The following DLST variants were observed in gnomAD, a reference collection of about 807,000 sequenced individuals.
DLST encodes the protein dihydrolipoamide S-succinyltransferase, also known as dihydrolipoyllysine-residue succinyltransferase component of 2-oxoglutarate dehydrogenase complex, mitochondrial.
In DLST, 17 loss-of-function variants were observed where a neutral mutation model predicts 53.1. The observed-to-expected ratio is 0.32, with a 90% CI of 0.22 to 0.48. The LOEUF is 0.48. DLST is among the 20% of genes least tolerant of loss of function. DLST has a pLI of 0.99. For missense variants in DLST, 512 were observed against 583.9 expected (o/e 0.88, Z 1.27); for synonymous variants, 206 against 204.8 (o/e 1.01, Z -0.05).
chr14:74,885,557 T>C, intron 2 of DLST, 29 bp from the exon 3 acceptor site: 1 of 1,612,640 alleles, frequency 6.2e-7, no homozygotes, highest in South Asian at 1.1e-5. Context: ...ATAAGAGTTG[T>C]TGGTTAAGAG....
At chr14:74,887,195 CA>C (rs1349154718) in intron 3 of DLST, among the ~76,000 whole-genome samples, 2 of 148,488 alleles carry the variant, frequency 1.3e-5, no homozygotes, top group Non-Finnish European at 3.0e-5. Context: ...ATAGCATGTT[CA>C]CATGTTCACA....
intron 2 of DLST, among the ~76,000 whole-genome samples, chr14:74,884,181 C>T (rs936672071): frequency 2.0e-5 from 3 of 152,148 alleles, no homozygotes; most frequent in Admixed American, 6.5e-5. Context: ...AGGACTTGAC[C>T]AGTGATAGAC....
At chr14:74,899,400 A>G (rs995490096) in intron 11 of DLST, among the ~76,000 whole-genome samples, 1 of 151,982 alleles carries the variant, frequency 6.6e-6, no homozygotes, top group Non-Finnish European at 1.5e-5. Context: ...ATTAGTTGCT[A>G]GGTGTACATT....
rs760844916 is a variant in DLST at position 74,891,046 on chromosome 14, C to G, written c.331-10C>G. On this transcript the variant is annotated splice_polypyrimidine_tract_variant and intron_variant, in intron 6 of 14. Transcript: ENST00000334220. ...CATTTGGACTTCCTCCATCTGTCTTCCTCTTCCAGACATCTGTGCAGGTTC... is the reference window on the plus strand; with the variant it reads ...CATTTGGACTTCCTCCATCTGTCTTGCTCTTCCAGACATCTGTGCAGGTTC... The G allele has an allele frequency of 4.4e-6, 7 of 1,604,740 alleles. No individual in the cohort carries two copies. Among genetic ancestry groups the G allele is most frequent in the African/African-American group, 1.3e-5 (1 of 74,874 alleles).
intron 14 of DLST, 89 bp from the exon 15 acceptor site, chr14:74,902,107 G>A: frequency 7.4e-7 from 1 of 1,344,570 alleles, no homozygotes; most frequent in South Asian, 1.9e-5. Context: ...CTGGAATTAG[G>A]AACTTTCTTA....
At position 74,902,432 on chromosome 14, in the gene DLST, CA is replaced by C; in HGVS notation, c.*103del. 3 of 1,418,960 alleles carry C rather than the reference CA, an allele frequency of 2.1e-6. No individual in the cohort carries two copies. The highest frequency in any genetic ancestry group is 2.8e-6 in the Non-Finnish European group (3 of 1,057,648). The allele number at this position is 1,418,960 out of a possible 1,614,324, so 87.9% of individuals were successfully genotyped here. A position where few individuals can be genotyped will look rare whatever the true frequency, so the allele number is the denominator to read the frequency against. On this transcript the variant is annotated 3_prime_UTR_variant, in exon 15 of 15. Transcript: ENST00000334220. ...GGGTTAGCCTGGTGACAGGCAGACA[CA>C]TGCTGTTGGCCTCAAGCAAGGAAGC... is the stretch of plus-strand genomic sequence containing the variant.
chr14:74,897,648 A>T (rs993167744), intron 10 of DLST, among the ~76,000 whole-genome samples: 4 of 152,246 alleles, frequency 2.6e-5, no homozygotes, highest in Admixed American at 2.0e-4. Context: ...GGCAAGAACT[A>T]TGTCTTAATT....
rs749689048 is a variant in DLST, at chr14:74,889,907, C to G, written c.285C>G (p.Asp95Glu). ...GDVRWEKAVG[D>E]TVAEDEVVCE... ...TGATTGTCTTTTCAGCTGTTGGAGA[C>G]ACAGTTGCAGAAGATGAAGTGGTTT... is the stretch of plus-strand genomic sequence containing the variant. The change falls in exon 6 of 15, where the codon GAC (aspartate) becomes GAG (glutamate). Residue 95 changes from aspartate (D) to glutamate (E), a missense_variant. Coordinates refer to ENST00000334220, the MANE Select transcript of DLST (RefSeq NM_001933.5). 3 of 1,613,948 alleles carry G rather than the reference C, an allele frequency of 1.9e-6. No individual in the cohort carries two copies. The highest frequency in any genetic ancestry group is 2.5e-6 in the Non-Finnish European group (3 of 1,179,946).
intron 10 of DLST, among the ~76,000 whole-genome samples, chr14:74,896,394 C>A (rs187353202): frequency 1.4e-3 from 210 of 152,318 alleles, no homozygotes; most frequent in African/African-American, 4.7e-3. Context: ...ATATTTAATT[C>A]AGGAAGCAAG....
At chr14:74,899,639 G>A (rs1884178650) in intron 11 of DLST, among the ~76,000 whole-genome samples, 1 of 152,200 alleles carries the variant, frequency 6.6e-6, no homozygotes, top group African/African-American at 2.4e-5. Flanking sequence ...AGAGTTTAGT[G>A]CATACCTATC....
At chr14:74,884,301 A>G (rs1883630954) in intron 2 of DLST, among the ~76,000 whole-genome samples, 2 of 152,198 alleles carry the variant, frequency 1.3e-5, no homozygotes, top group Admixed American at 1.3e-4. Context: ...CCCCTAGCAC[A>G]ATGTCGGCTT....
intron 3 of DLST, 102 bp downstream of exon 3, chr14:74,885,736 C>T: frequency 1.8e-6 from 2 of 1,115,836 alleles, no homozygotes; most frequent in Non-Finnish European, 2.6e-6. Flanking sequence ...GCCTCCAGAC[C>T]TAGAAATTGA....
chr14:74,887,481 CTT>C (rs925724300), intron 3 of DLST, among the ~76,000 whole-genome samples: 3 of 152,146 alleles, frequency 2.0e-5, no homozygotes, highest in African/African-American at 7.2e-5. Context: ...AATCCAGTAT[CTT>C]TGTGTGTGTT....
rs141038267 is a variant in DLST at position 74,887,324 on chromosome 14, T to C, written c.146+1690T>C. Among the ~76,000 whole-genome samples the C allele has an allele frequency of 2.9e-3, 447 of 152,318 alleles. 4 individuals are homozygous for C. Among genetic ancestry groups the C allele is most frequent in the African/African-American group, 0.01 (433 of 41,576 alleles). ...ATATTCTGTAGTGAACATCTAGTTA[T>C]TTAGAGATTCAAAATGTATTACTCA... On this transcript the variant is annotated intron_variant, in intron 3 of 14. Transcript: ENST00000334220.
chr14:74,894,532 GT>G, intron 10 of DLST, 123 bp downstream of exon 10: 1 of 1,095,230 alleles, frequency 9.1e-7, no homozygotes, highest in Non-Finnish European at 1.3e-6. Context: ...TTTGTTTATT[GT>G]TTTTTGTTTG....
intron 2 of DLST, among the ~76,000 whole-genome samples, chr14:74,883,823 C>T (rs761064315): frequency 3.3e-5 from 5 of 152,190 alleles, no homozygotes; most frequent in Non-Finnish European, 7.3e-5. Context: ...TTCTCATTTA[C>T]TCATGGACTC....
intron 7 of DLST, chr14:74,891,604 G>T: frequency 2.0e-6 from 2 of 988,506 alleles, no homozygotes; most frequent in Non-Finnish European, 2.4e-6. Flanking sequence ...TTTCACATCT[G>T]TTCTCTCATA....
chr14:74,901,016 TGAAG>T, intron 13 of DLST, 46 bp from the exon 14 acceptor site: 1 of 1,593,186 alleles, frequency 6.3e-7, no homozygotes, highest in African/African-American at 1.3e-5. Context: ...TGACTTTAGG[TGAAG>T]GAAACTGGGT....
At chr14:74,900,493 G>T in intron 13 of DLST, 121 bp downstream of exon 13, 1 of 822,412 alleles carries the variant, frequency 1.2e-6, no homozygotes, top group Non-Finnish European at 2.0e-6. Context: ...GAGAAAAGCA[G>T]TTGCCCATGA....
Sources: allele counts gnomAD v4.1 joint callset (sites outside exome capture counted in the v4.1 genomes callset), GRCh38; gene constraint gnomAD v4.1.1; transcripts MANE v1.5; gene names NCBI Gene and HGNC (gene_info 2026-07-23, HGNC 2026-07-21).